The following MAP4K5 variants were observed in gnomAD, a reference collection of about 807,000 sequenced individuals.
MAP4K5 encodes MAPK/ERK kinase kinase kinase 5.
In MAP4K5, 82 loss-of-function variants were observed where a neutral mutation model predicts 135.6. That is an observed-to-expected ratio of 0.60 (90% CI 0.51 to 0.73). The LOEUF is 0.73. Ranked by LOEUF, MAP4K5 falls within the 30% of genes least tolerant of loss-of-function variation. MAP4K5 has a pLI of 0.00. For synonymous variants in MAP4K5, 347 were observed against 335.0 expected (o/e 1.04, Z -0.39); for missense variants, 907 against 1,010.9 (o/e 0.90, Z 1.39).
intron 6 of MAP4K5, among the ~76,000 whole-genome samples, chr14:50,482,140 G>A (rs1368641748): frequency 1.3e-5 from 2 of 152,124 alleles, no homozygotes; most frequent in Non-Finnish European, 2.9e-5. Flanking sequence ...GTATATGTCG[G>A]CATCAGCTTA....
chr14:50,539,540 C>A (rs1412109778), intron 2 of MAP4K5, among the ~76,000 whole-genome samples: 1 of 152,168 alleles, frequency 6.6e-6, no homozygotes, highest in East Asian at 1.9e-4. Context: ...AAACGTGAGA[C>A]CCAGTTCTGT....
intron 6 of MAP4K5, among the ~76,000 whole-genome samples, chr14:50,480,660 C>T (rs11625096): frequency 0.64 from 97,758 of 151,926 alleles, 31,675 homozygotes; most frequent in East Asian, 0.75. Flanking sequence ...GCTCACATAA[C>T]AATAGGGATG....
intron 3 of MAP4K5, among the ~76,000 whole-genome samples, chr14:50,490,304 T>C (rs1228525024): frequency 6.6e-6 from 1 of 152,086 alleles, no homozygotes; most frequent in Non-Finnish European, 1.5e-5. Context: ...AAATGATAAA[T>C]TATTAAAAGC....
intron 3 of MAP4K5, among the ~76,000 whole-genome samples, chr14:50,503,117 A>C (rs915495708): frequency 1.3e-5 from 2 of 152,086 alleles, no homozygotes; most frequent in African/African-American, 4.8e-5. Flanking sequence ...CAGAGTGCAA[A>C]GACAGAAGAC....
At chr14:50,485,821 T>C in intron 4 of MAP4K5, 179 bp from the exon 5 acceptor site, 1 of 558,990 alleles carries the variant, frequency 1.8e-6, no homozygotes, top group South Asian at 2.7e-5. Flanking sequence ...TTTGTTCCCA[T>C]CTTCAGTGGT....
At chr14:50,485,502 G>T in intron 5 of MAP4K5, 76 bp downstream of exon 5, 2 of 900,824 alleles carry the variant, frequency 2.2e-6, no homozygotes, top group Non-Finnish European at 3.5e-6. Flanking sequence ...GTTAATTTCC[G>T]TGGTTAACTG....
intron 14 of MAP4K5, among the ~76,000 whole-genome samples, chr14:50,451,867 A>G (rs1407932492): frequency 6.6e-6 from 1 of 152,190 alleles, no homozygotes; most frequent in African/African-American, 2.4e-5. Context: ...CCTCCCTAGA[A>G]CTGTTACTAA....
intron 2 of MAP4K5, among the ~76,000 whole-genome samples, chr14:50,509,044 T>A (rs532708107): frequency 6.6e-6 from 1 of 152,070 alleles, no homozygotes. Context: ...TCGAATACTA[T>A]GCAGCCATAA....
chr14:50,434,321 T>A, intron 28 of MAP4K5, 73 bp downstream of exon 28: 1 of 1,209,110 alleles, frequency 8.3e-7, no homozygotes, highest in Non-Finnish European at 1.2e-6. Flanking sequence ...GTTTTGCTTC[T>A]TTTATAGGTG....
intron 28 of MAP4K5, 149 bp downstream of exon 28, chr14:50,434,245 C>T (rs1276806570): frequency 5.1e-6 from 3 of 591,958 alleles, no homozygotes; most frequent in Admixed American, 3.1e-5. Flanking sequence ...CATAAATATA[C>T]GTACACGGTT....
At chr14:50,525,037 T>A (rs2038233130) in intron 2 of MAP4K5, among the ~76,000 whole-genome samples, 1 of 152,130 alleles carries the variant, frequency 6.6e-6, no homozygotes, top group Non-Finnish European at 1.5e-5. Context: ...CTGCCACCCC[T>A]CTAAGGCTAC....
intron 1 of MAP4K5, among the ~76,000 whole-genome samples, chr14:50,544,798 A>C (rs566691205): frequency 6.6e-6 from 1 of 151,966 alleles, no homozygotes; most frequent in Non-Finnish European, 1.5e-5. Context: ...TTAGCCAGGC[A>C]TGGTGGCATG....
chr14:50,492,653 T>TTTCTTCACAA (rs1392244664), intron 3 of MAP4K5, among the ~76,000 whole-genome samples: 2 of 151,550 alleles, frequency 1.3e-5, no homozygotes, highest in Non-Finnish European at 2.9e-5. Flanking sequence ...AAAAGCAACC[T>TTTCTTCACAA]ATAGGAGAAA....
intron 18 of MAP4K5, 69 bp downstream of exon 18, chr14:50,444,972 T>A (rs117002266): frequency 0.012 from 17,694 of 1,477,560 alleles, 150 homozygotes; most frequent in Middle Eastern, 0.017. Flanking sequence ...GTTTTCACTT[T>A]GATTTATTCA....
intron 22 of MAP4K5, 86 bp downstream of exon 22, chr14:50,440,276 G>T: frequency 1.2e-6 from 1 of 855,454 alleles, no homozygotes; most frequent in Non-Finnish European, 1.8e-6. Context: ...AATTAAAATT[G>T]GGGCCTACAC....
chr14:50,495,533 T>C lies in MAP4K5; in HGVS notation c.166+9267A>G, dbSNP rs1566678181. Among the ~76,000 whole-genome samples, 4 of 152,234 alleles carry C rather than the reference T, an allele frequency of 2.6e-5. No individual in the cohort carries two copies. In the South Asian group the frequency reaches 8.3e-4, roughly 31 times the overall value. ...TTTCTCAACAAATTAAAGGTGGAAC[T>C]ATCATATGACCAATTCATGCTTTTA... On this transcript the variant is annotated intron_variant, in intron 3 of 32. Transcript: ENST00000682126.
intron 16 of MAP4K5, 42 bp from the exon 17 acceptor site, chr14:50,446,163 C>T (rs1314634269): frequency 5.4e-6 from 7 of 1,307,754 alleles, no homozygotes; most frequent in Non-Finnish European, 7.5e-6. Flanking sequence ...TGATAAATGA[C>T]CGTAACCGAA....
intron 10 of MAP4K5, among the ~76,000 whole-genome samples, chr14:50,467,858 A>T (rs186877817): frequency 6.6e-6 from 1 of 152,200 alleles, no homozygotes; most frequent in Non-Finnish European, 1.5e-5. Flanking sequence ...CATAAACCTT[A>T]ATCTATTTTT....
chr14:50,550,672 T>G (rs2038691451), intron 1 of MAP4K5, among the ~76,000 whole-genome samples: 1 of 152,176 alleles, frequency 6.6e-6, no homozygotes, highest in African/African-American at 2.4e-5. Flanking sequence ...TCAATAAACT[T>G]AAGAAAATCA....
Sources: allele counts gnomAD v4.1 joint callset (sites outside exome capture counted in the v4.1 genomes callset), GRCh38; gene constraint gnomAD v4.1.1; transcripts MANE v1.5; gene names NCBI Gene and HGNC (gene_info 2026-07-23, HGNC 2026-07-21).